Variants in SCFD1 observed in about 807,000 individuals in gnomAD.
The protein encoded by SCFD1 is sec1 family domain-containing protein 1.
Under a neutral mutation model 103.2 loss-of-function variants are expected in SCFD1, and 37 were observed. The observed-to-expected ratio is 0.36, with a 90% CI of 0.28 to 0.47. The LOEUF is 0.47. Ranked by LOEUF, SCFD1 falls within the 20% of genes least tolerant of loss-of-function variation. The probability of loss-of-function intolerance (pLI) is 1.00; values close to 1 mark genes in which losing one functional copy is unlikely to be tolerated. For synonymous variants in SCFD1, 264 were observed against 245.0 expected, an observed-to-expected ratio of 1.08 and a Z score of -0.73; for missense variants, 639 against 761.2, an observed-to-expected ratio of 0.84 and a Z score of 1.89.
intron 4 of SCFD1, chr14:30,634,973 C>T (rs1884570803): frequency 2.2e-6 from 1 of 455,742 alleles, no homozygotes; most frequent in Non-Finnish European, 4.4e-6. Flanking sequence ...GATGAGTCAC[C>T]CCAAAGAAAA....
At chr14:30,695,100 T>A (rs919176598) in intron 15 of SCFD1, among the ~76,000 whole-genome samples, 1 of 152,206 alleles carries the variant, frequency 6.6e-6, no homozygotes, top group African/African-American at 2.4e-5. Context: ...TTAGGCACAT[T>A]TTATATTCAC....
chr14:30,731,420 G>C lies in SCFD1; in HGVS notation c.1837-3370G>C, dbSNP rs1345046939. Among the ~76,000 whole-genome samples, 2 of 152,160 alleles carry C rather than the reference G, an allele frequency of 1.3e-5. 1 individual carries two copies. The highest frequency in any genetic ancestry group is 2.9e-5 in the Non-Finnish European group (2 of 68,036). On this transcript the variant is annotated intron_variant, in intron 23 of 24. Transcript: ENST00000458591. Reference sequence around the variant, plus strand: ...TTGGTAGCTTGATGGGGATGGCATTGAATCTATAAATTACCTTGGGCAGTA... The same window carrying C: ...TTGGTAGCTTGATGGGGATGGCATTCAATCTATAAATTACCTTGGGCAGTA...
Position 30,673,260 on chromosome 14 carries a change from A to G in SCFD1, c.999A>G (p.Pro333=), listed in dbSNP as rs200868909. 94 of 1,581,192 alleles carry G rather than the reference A, an allele frequency of 5.9e-5. No homozygotes were observed. The East Asian group carries it at 2.1e-3, about 35-fold the overall frequency. ...DKFWQKHKGS[P]FPEVAESVQQ... ...TTCTTGTGCAATACTGTTTTAGTCCATTCCCAGAAGTTGCAGAATCAGTTC... is the reference window on the plus strand; with the variant it reads ...TTCTTGTGCAATACTGTTTTAGTCCGTTCCCAGAAGTTGCAGAATCAGTTC... The change falls in exon 12 of 25, where the codon CCA becomes CCG. Residue 333 remains proline, a synonymous_variant. Transcript: ENST00000458591.
intron 14 of SCFD1, 51 bp from the exon 15 acceptor site, chr14:30,694,722 A>T: frequency 6.5e-7 from 1 of 1,528,758 alleles, no homozygotes; most frequent in Non-Finnish European, 8.7e-7. Flanking sequence ...GTAGATCATT[A>T]TGTATTTTAA....
intron 15 of SCFD1, 120 bp from the exon 16 acceptor site, chr14:30,700,068 G>C: frequency 1.5e-6 from 1 of 673,772 alleles, no homozygotes; most frequent in African/African-American, 1.8e-5. Flanking sequence ...GTTAAATCAA[G>C]AGCCATGTTT....
intron 23 of SCFD1, among the ~76,000 whole-genome samples, chr14:30,733,773 C>CCTGGTCATG (rs750494691): frequency 2.0e-5 from 3 of 152,164 alleles, no homozygotes; most frequent in Non-Finnish European, 2.9e-5. Flanking sequence ...TGCAGTTGAG[C>CCTGGTCATG]CTGGTCATGC....
chr14:30,626,846 A>G (rs542856325), intron 1 of SCFD1, among the ~76,000 whole-genome samples: 37 of 152,300 alleles, frequency 2.4e-4, no homozygotes, highest in African/African-American at 1.7e-4. Flanking sequence ...CTGAAGTACA[A>G]TCTGTTCAGT....
intron 11 of SCFD1, among the ~76,000 whole-genome samples, chr14:30,671,218 T>A (rs1259134779): frequency 6.6e-6 from 1 of 151,930 alleles, no homozygotes; most frequent in African/African-American, 2.4e-5. Context: ...TACTTACAAC[T>A]TTTTTTTAAG....
intron 4 of SCFD1, among the ~76,000 whole-genome samples, chr14:30,635,694 T>C (rs1884652386): frequency 6.6e-6 from 1 of 152,198 alleles, no homozygotes; most frequent in African/African-American, 2.4e-5. Context: ...ACCTTTTGGC[T>C]ATTAATAATG....
chr14:30,679,465 T>C (rs1566626177), intron 14 of SCFD1, among the ~76,000 whole-genome samples: 6 of 152,160 alleles, frequency 3.9e-5, no homozygotes, highest in Admixed American at 2.0e-4. Context: ...GCAATGTCTC[T>C]AAAATTTTTT....
chr14:30,711,042 C>T (rs1891833825), intron 19 of SCFD1, among the ~76,000 whole-genome samples: 1 of 152,090 alleles, frequency 6.6e-6, no homozygotes, highest in Admixed American at 6.5e-5. Context: ...TCACATAAAA[C>T]CAGTTGAATG....
At chr14:30,734,686 A>G (rs1216931906) in intron 23 of SCFD1, 104 bp from the exon 24 acceptor site, 13 of 859,222 alleles carry the variant, frequency 1.5e-5, no homozygotes, top group African/African-American at 6.7e-5. Flanking sequence ...CCAAAGAAAG[A>G]CTGTTAAGAA....
At chr14:30,716,537 A>G (rs1283268382) in intron 20 of SCFD1, among the ~76,000 whole-genome samples, 1 of 152,216 alleles carries the variant, frequency 6.6e-6, no homozygotes, top group African/African-American at 2.4e-5. Context: ...GAATGTAAAA[A>G]TCATCACAAT....
chr14:30,637,564 A>G (rs1223195517), intron 4 of SCFD1, among the ~76,000 whole-genome samples: 3 of 152,166 alleles, frequency 2.0e-5, no homozygotes, highest in Non-Finnish European at 4.4e-5. Context: ...GTTACAGTCA[A>G]TGACATCTTA....
Position 30,643,322 on chromosome 14 carries a change from A to G in SCFD1, c.530A>G (p.Asn177Ser), listed in dbSNP as rs2139062891. 6.2e-7 allele frequency: 1 copy of G among 1,609,760 alleles called. No individual in the cohort carries two copies. Among genetic ancestry groups the G allele is most frequent in the South Asian group, 1.1e-5 (1 of 90,886 alleles). Residue 177 changes from asparagine to serine, a missense_variant, in exon 7 of 25, where the codon AAC (asparagine) becomes AGC (serine). Transcript: ENST00000458591. ...NKELVSYRAI[N>S]RPDITDTEME... ...TTTTCCTATGTCATTTTAGCCATTAACAGGCCAGATATCACAGACACGGAA... is the reference window on the plus strand; with the variant it reads ...TTTTCCTATGTCATTTTAGCCATTAGCAGGCCAGATATCACAGACACGGAA...
chr14:30,706,863 A>G (rs965204173), intron 18 of SCFD1, among the ~76,000 whole-genome samples: 2 of 152,200 alleles, frequency 1.3e-5, no homozygotes, highest in African/African-American at 2.4e-5. Context: ...ACTCAGCCTT[A>G]TAAGTACTTG....
chr14:30,642,545 C>T (rs1450374443), intron 6 of SCFD1, among the ~76,000 whole-genome samples: 2 of 152,162 alleles, frequency 1.3e-5, no homozygotes, highest in Non-Finnish European at 2.9e-5. Flanking sequence ...TACTTATATA[C>T]ACTCTTGTAG....
chr14:30,697,023 G>A (rs1478902687), intron 15 of SCFD1, among the ~76,000 whole-genome samples: 2 of 152,058 alleles, frequency 1.3e-5, no homozygotes, highest in East Asian at 1.9e-4. Flanking sequence ...TAGTGTTTTC[G>A]CTATATATCT....
At chr14:30,636,349 T>G (rs1435882497) in intron 4 of SCFD1, among the ~76,000 whole-genome samples, 1 of 152,064 alleles carries the variant, frequency 6.6e-6, no homozygotes, top group Non-Finnish European at 1.5e-5. Flanking sequence ...TTCTAAGAAT[T>G]TTATAGTTTT....
Sources: gnomAD v4.1 joint callset for allele counts (sites outside exome capture counted in the v4.1 genomes callset) on GRCh38, gnomAD v4.1.1 for gene constraint, MANE v1.5 for transcripts, NCBI Gene and HGNC (gene_info 2026-07-23, HGNC 2026-07-21) for gene names.